TRAF3: variants seen among roughly 807,000 people sequenced by gnomAD.
TRAF3 encodes TNF receptor associated factor 3.
In TRAF3, 13 loss-of-function variants were observed where a neutral mutation model predicts 62.3. The observed-to-expected ratio is 0.21, with a 90% confidence interval of 0.14 to 0.33. TRAF3 has a LOEUF of 0.33. Ranked by LOEUF, TRAF3 falls within the 10% of genes least tolerant of loss-of-function variation. The pLI, the probability that TRAF3 is intolerant of heterozygous loss-of-function variation, is 1.00. For missense variants in TRAF3, 440 were observed against 741.8 expected (o/e 0.59, Z 4.73); for synonymous variants, 269 against 283.4 (o/e 0.95, Z 0.51).
intron 7 of TRAF3, 25 bp downstream of exon 7, chr14:102,886,294 G>T: frequency 6.3e-7 from 1 of 1,589,034 alleles, no homozygotes; most frequent in Non-Finnish European, 8.6e-7. Flanking sequence ...GCCCGGCCGG[G>T]AGTCTGTGGA....
At position 102,818,804 on chromosome 14, in the gene TRAF3, A is replaced by G. The variant is rs185458665; in HGVS notation, c.-156-11530A>G. Among the ~76,000 whole-genome samples the G allele has an allele frequency of 3.3e-4, 51 of 152,334 alleles. No homozygotes were observed. The East Asian group carries it at 8.3e-3, about 25-fold the overall frequency. On this transcript the variant is annotated intron_variant, in intron 1 of 11. Coordinates refer to ENST00000392745, the MANE Select transcript of TRAF3 (RefSeq NM_145725.3). Reference sequence around the variant, plus strand: ...ATGTATTGTATATTTCAAAATTGCTAAAGAGTAGATCTTAAATGTTTTCAT... The same window carrying G: ...ATGTATTGTATATTTCAAAATTGCTGAAGAGTAGATCTTAAATGTTTTCAT...
At chr14:102,871,566 G>A (rs187831608) in intron 3 of TRAF3, among the ~76,000 whole-genome samples, 1 of 144,372 alleles carries the variant, frequency 6.9e-6, no homozygotes, top group East Asian at 1.9e-4. Flanking sequence ...CAGGAGCAAG[G>A]CTCTCCAAGT....
At chr14:102,876,574 A>G (rs1888665184) in intron 6 of TRAF3, 49 bp downstream of exon 6, 1 of 1,600,480 alleles carries the variant, frequency 6.2e-7, no homozygotes. Flanking sequence ...CCTATATGAT[A>G]CATTCCACAG....
At chr14:102,879,446 CAG>C (rs1047552853) in intron 6 of TRAF3, among the ~76,000 whole-genome samples, 1 of 151,938 alleles carries the variant, frequency 6.6e-6, no homozygotes, top group African/African-American at 2.4e-5. Context: ...TTTGTAGAGA[CAG>C]GGTCTTGCCA....
chr14:102,779,214 A>G (rs1194742850), intron 1 of TRAF3, among the ~76,000 whole-genome samples: 1 of 149,184 alleles, frequency 6.7e-6, no homozygotes, highest in Non-Finnish European at 1.5e-5. Flanking sequence ...CATCTGTTCC[A>G]GCTGTCAATG....
intron 2 of TRAF3, among the ~76,000 whole-genome samples, chr14:102,864,347 A>G (rs895067574): frequency 1.3e-5 from 2 of 151,756 alleles, no homozygotes; most frequent in African/African-American, 4.8e-5. Flanking sequence ...ATGGGGTTTC[A>G]CCGTGTTAGC....
Position 102,903,041 on chromosome 14 carries a change from C to G in TRAF3, c.961-214C>G. On this transcript the variant is annotated intron_variant, in intron 10 of 11. Transcript: ENST00000392745. The surrounding 1 kb of genome is among the most constrained non-coding windows in gnomAD (Gnocchi z 6.4). ...TCTTCCATGTGGCTTCATGTCACCT[C>G]GAGTGCTCCCTGCCGGCACAAGCAC... 1.5e-6 allele frequency: 1 copy of G among 663,580 alleles called. No homozygotes were observed. Among genetic ancestry groups the G allele is most frequent in the Non-Finnish European group, 2.7e-6 (1 of 368,486 alleles). 41.1% of individuals were successfully genotyped at this position (663,580 alleles called of 1,614,324 possible).
chr14:102,825,418 A>G (rs1900244387), intron 1 of TRAF3, among the ~76,000 whole-genome samples: 1 of 152,114 alleles, frequency 6.6e-6, no homozygotes. Context: ...TCCTTCTGGG[A>G]CCTTCTGCCA....
Position 102,905,836 on chromosome 14 carries a change from G to T in TRAF3, c.*52G>T. 1 of 1,524,752 alleles carries T rather than the reference G, an allele frequency of 6.6e-7. No individual in the cohort carries two copies. Among genetic ancestry groups the T allele is most frequent in the South Asian group, 1.2e-5 (1 of 86,790 alleles). 94.5% of individuals were successfully genotyped at this position (1,524,752 alleles called of 1,614,324 possible). On this transcript the variant is annotated 3_prime_UTR_variant, in exon 12 of 12. Transcript: ENST00000392745. Reference sequence around the variant, plus strand: ...AGAAGGCAACTCCTCTGGGGGATTTGAACCGGTCTGTCTTCACTGAGGTCC... The same window carrying T: ...AGAAGGCAACTCCTCTGGGGGATTTTAACCGGTCTGTCTTCACTGAGGTCC...
chr14:102,820,587 TATATATATA>T (rs1899848315), intron 1 of TRAF3, among the ~76,000 whole-genome samples: 1 of 6,336 alleles, frequency 1.6e-4, no homozygotes, highest in Admixed American at 1.7e-3. Context: ...TATATATATA[TATATATATA>T]TATATATATA....
intron 2 of TRAF3, among the ~76,000 whole-genome samples, chr14:102,849,745 G>A (rs1477162047): frequency 6.6e-6 from 1 of 152,170 alleles, no homozygotes; most frequent in Non-Finnish European, 1.5e-5. Flanking sequence ...TGGAACATTT[G>A]GCATCAGGTA....
intron 2 of TRAF3, among the ~76,000 whole-genome samples, chr14:102,837,143 T>TGTG (rs201020363): frequency 1.1e-3 from 135 of 119,136 alleles, no homozygotes; most frequent in African/African-American, 3.6e-3. Flanking sequence ...TGTGTGTGTG[T>TGTG]TTTTTTTGGG....
intron 1 of TRAF3, among the ~76,000 whole-genome samples, chr14:102,804,930 A>C (rs1400860219): frequency 6.6e-6 from 1 of 152,238 alleles, no homozygotes; most frequent in African/African-American, 2.4e-5. Flanking sequence ...ATCCTCCAGG[A>C]CAGAAAAAAT....
intron 4 of TRAF3, among the ~76,000 whole-genome samples, chr14:102,874,832 A>T (rs908465438): frequency 2.0e-4 from 30 of 151,348 alleles, no homozygotes; most frequent in Non-Finnish European, 2.1e-4. Context: ...TTTTAAAAAA[A>T]TTTTTGTAGA....
intron 1 of TRAF3, among the ~76,000 whole-genome samples, chr14:102,802,720 C>T (rs2139469914): frequency 6.6e-6 from 1 of 151,832 alleles, no homozygotes; most frequent in Admixed American, 6.6e-5. Context: ...CCCAGCTACT[C>T]AGGAGGCTGA....
chr14:102,848,519 C>T (rs1374647649), intron 2 of TRAF3, among the ~76,000 whole-genome samples: 1 of 152,194 alleles, frequency 6.6e-6, no homozygotes, highest in Non-Finnish European at 1.5e-5. Flanking sequence ...AGATTTAATA[C>T]ATAGCTATTT....
At chr14:102,834,945 C>T (rs910653482) in intron 2 of TRAF3, among the ~76,000 whole-genome samples, 9 of 152,054 alleles carry the variant, frequency 5.9e-5, no homozygotes, top group Non-Finnish European at 8.8e-5. Flanking sequence ...AAGAAATTAT[C>T]GACAGAGTAA....
intron 2 of TRAF3, among the ~76,000 whole-genome samples, chr14:102,836,765 ACT>A (rs1478085608): frequency 6.6e-6 from 1 of 152,054 alleles, no homozygotes; most frequent in Non-Finnish European, 1.5e-5. Flanking sequence ...TTTTAACATG[ACT>A]CTTATCTAGC....
At chr14:102,902,751 C>A (rs897145508) in intron 10 of TRAF3, among the ~76,000 whole-genome samples, 2 of 152,152 alleles carry the variant, frequency 1.3e-5, no homozygotes, top group Non-Finnish European at 2.9e-5. Flanking sequence ...AGGGTGAGGT[C>A]GGATCCTGGT....
Sources: gnomAD v4.1 joint callset for allele counts (sites outside exome capture counted in the v4.1 genomes callset) on GRCh38, gnomAD v4.1.1 for gene constraint, Gnocchi (gnomAD v3.1) non-coding constraint, MANE v1.5 for transcripts, NCBI Gene and HGNC (gene_info 2026-07-23, HGNC 2026-07-21) for gene names.